MAPK14: variants seen among roughly 807,000 people sequenced by gnomAD.
The protein encoded by MAPK14 is mitogen-activated protein kinase 14.
MAPK14 carries 16 observed loss-of-function variants against 49.6 expected under a neutral mutation model. The observed-to-expected ratio is 0.32, with a 90% CI of 0.22 to 0.49. The LOEUF is 0.49. Among genes scored for constraint, MAPK14 ranks in the 20% least tolerant of loss-of-function variants. MAPK14 has a pLI of 0.99. For missense variants in MAPK14, 200 were observed against 441.2 expected, an observed-to-expected ratio of 0.45 and a Z score of 4.90; for synonymous variants, 142 against 158.0, an observed-to-expected ratio of 0.90 and a Z score of 0.76.
intron 1 of MAPK14, among the ~76,000 whole-genome samples, chr6:36,052,148 T>C (rs1220178557): frequency 6.6e-6 from 1 of 152,178 alleles, no homozygotes; most frequent in Non-Finnish European, 1.5e-5. Context: ...TTGTAGGTGC[T>C]CAAGAAATAT....
At position 36,036,733 on chromosome 6, in the gene MAPK14, ATATT is replaced by A. The variant is rs138910796; in HGVS notation, c.116+8478_116+8481del. Among the ~76,000 whole-genome samples, 302 of 151,732 alleles carry A rather than the reference ATATT, an allele frequency of 2.0e-3. 1 individual carries two copies. The highest frequency in any genetic ancestry group is 6.8e-3 in the Middle Eastern group (2 of 294). ...ACCCTTAGCATTTTTTAGCAAAAAA[ATATT>A]TATTTATTTATTTATTTTTTCTAGA... On this transcript the variant is annotated intron_variant, in intron 1 of 11. Transcript: ENST00000229794.
At chr6:36,123,668 C>G in the MAPK14 span, among the ~76,000 whole-genome samples, 1 of 152,208 alleles carries the variant, frequency 6.6e-6, no homozygotes, top group South Asian at 2.1e-4. Flanking sequence ...AGAATACTGC[C>G]CTCGCCCTTA....
intron 8 of MAPK14, among the ~76,000 whole-genome samples, chr6:36,094,885 T>C (rs1765386747): frequency 6.6e-6 from 1 of 151,410 alleles, no homozygotes; most frequent in Non-Finnish European, 1.5e-5. Flanking sequence ...GTATATAGAG[T>C]GTTGAGGGGA....
the MAPK14 span, among the ~76,000 whole-genome samples, chr6:36,121,262 A>G: frequency 2.6e-5 from 4 of 152,218 alleles, no homozygotes; most frequent in African/African-American, 7.2e-5. Context: ...CCAACAGACT[A>G]AGAAGTTTAA....
intron 1 of MAPK14, among the ~76,000 whole-genome samples, chr6:36,046,505 A>G (rs1763185692): frequency 6.6e-6 from 1 of 152,230 alleles, no homozygotes; most frequent in Non-Finnish European, 1.5e-5. Flanking sequence ...TAATCCTAAC[A>G]TATCCAACAG....
intron 1 of MAPK14, among the ~76,000 whole-genome samples, chr6:36,047,994 G>C (rs905674330): frequency 6.6e-6 from 1 of 151,574 alleles, no homozygotes; most frequent in Non-Finnish European, 1.5e-5. Flanking sequence ...CCAAAGTGCT[G>C]GGATTATAGG....
the MAPK14 span, among the ~76,000 whole-genome samples, chr6:36,123,645 C>G: frequency 6.6e-6 from 1 of 152,234 alleles, no homozygotes; most frequent in African/African-American, 2.4e-5. Flanking sequence ...TGCCAGGGGG[C>G]TCAGCAGTGG....
the MAPK14 span, among the ~76,000 whole-genome samples, chr6:36,117,666 C>T: frequency 6.6e-6 from 1 of 152,174 alleles, no homozygotes; most frequent in African/African-American, 2.4e-5. Context: ...GTAATTTGCT[C>T]AAGATTGTAC....
intron 2 of MAPK14, among the ~76,000 whole-genome samples, chr6:36,055,233 A>T (rs1271222245): frequency 6.6e-6 from 1 of 152,270 alleles, no homozygotes; most frequent in South Asian, 2.1e-4. Flanking sequence ...GAGATGGCCC[A>T]TATATGGGCC....
the MAPK14 span, among the ~76,000 whole-genome samples, chr6:36,117,800 A>G: frequency 5.3e-5 from 8 of 152,202 alleles, no homozygotes; most frequent in Non-Finnish European, 7.3e-5. Flanking sequence ...TGTCTTGTTC[A>G]CTGTGGTGTC....
chr6:36,119,345 A>G, the MAPK14 span, among the ~76,000 whole-genome samples: 14 of 152,238 alleles, frequency 9.2e-5, no homozygotes, highest in African/African-American at 3.1e-4. Context: ...GCTTTCATAC[A>G]TTGGCGTCCA....
At chr6:36,122,773 C>A in the MAPK14 span, among the ~76,000 whole-genome samples, 4 of 152,168 alleles carry the variant, frequency 2.6e-5, no homozygotes, top group Non-Finnish European at 5.9e-5. Context: ...CTTCAGTAAA[C>A]CCTCCTGGTG....
intron 8 of MAPK14, among the ~76,000 whole-genome samples, chr6:36,082,269 T>A (rs1764796607): frequency 6.6e-6 from 1 of 152,242 alleles, no homozygotes; most frequent in Non-Finnish European, 1.5e-5. Flanking sequence ...CAATGCTGAA[T>A]AGCAACAGTG....
intron 6 of MAPK14, 67 bp downstream of exon 6, chr6:36,074,163 G>A (rs1358996404): frequency 8.2e-7 from 1 of 1,223,052 alleles, no homozygotes; most frequent in South Asian, 1.3e-5. Context: ...TAAGCAGGCA[G>A]ACTTTCTTAG....
intron 8 of MAPK14, among the ~76,000 whole-genome samples, chr6:36,088,721 C>CAA (rs553619006): frequency 4.8e-4 from 46 of 95,872 alleles, no homozygotes; most frequent in Middle Eastern, 6.3e-3. Context: ...GACTCCGTCT[C>CAA]AAAAAAAAAA....
At chr6:36,045,777 C>CCAG (rs984534145) in intron 1 of MAPK14, among the ~76,000 whole-genome samples, 3 of 146,076 alleles carry the variant, frequency 2.1e-5, no homozygotes, top group Admixed American at 6.9e-5. Context: ...CCACTGCACT[C>CCAG]CAGCCTGGGT....
chr6:36,079,952 C>T (rs895674776), intron 8 of MAPK14, among the ~76,000 whole-genome samples: 2 of 145,824 alleles, frequency 1.4e-5, no homozygotes, highest in Non-Finnish European at 3.0e-5. Context: ...CCATTTTAAC[C>T]TTTTTTTTTT....
Position 36,028,010 on chromosome 6 carries a change from T to C in MAPK14, c.-148T>C. 2.2e-6 allele frequency: 1 copy of C among 453,430 alleles called. No individual in the cohort carries two copies. 28.1% of individuals were successfully genotyped at this position (453,430 alleles called of 1,614,324 possible). A position where few individuals can be genotyped will look rare whatever the true frequency, so the allele number is the denominator to read the frequency against. On this transcript the variant is annotated 5_prime_UTR_variant, in exon 1 of 12. Coordinates refer to ENST00000229794, the MANE Select transcript of MAPK14 (RefSeq NM_139012.3). This position sits in a 1 kb window ranked among gnomAD's most constrained non-coding sequence, Gnocchi z 5.1. ...CTGACAGCAGCCGCGCGCGCGGGAG[T>C]CTGCGGGGTCGCGGCAGCCGCACCT...
chr6:36,044,281 C>CT (rs1763086604), intron 1 of MAPK14, among the ~76,000 whole-genome samples: 1 of 152,172 alleles, frequency 6.6e-6, no homozygotes, highest in African/African-American at 2.4e-5. Flanking sequence ...TGTAAAATCA[C>CT]TTACGATCCC....
Sources: gnomAD v4.1 joint callset for allele counts (sites outside exome capture counted in the v4.1 genomes callset) on GRCh38, gnomAD v4.1.1 for gene constraint, Gnocchi (gnomAD v3.1) non-coding constraint, MANE v1.5 for transcripts, NCBI Gene and HGNC (gene_info 2026-07-23, HGNC 2026-07-21) for gene names.